The following ABCC12 variants were observed in gnomAD, a reference collection of about 807,000 sequenced individuals.
ABCC12 encodes ATP binding cassette subfamily C member 12.
In ABCC12, 142 loss-of-function variants were observed where a neutral mutation model predicts 151.1. The observed-to-expected ratio is 0.94, with a 90% CI of 0.82 to 1.08. ABCC12 has a LOEUF of 1.08. Among genes scored for constraint, ABCC12 ranks in the 50% least tolerant of loss-of-function variants. ABCC12 has a pLI of 0.00. For missense variants in ABCC12, 1,638 were observed against 1,691.1 expected (o/e 0.97, Z 0.55); for synonymous variants, 645 against 646.4 (o/e 1.00, Z 0.03).
Position 48,119,399 on chromosome 16 carries a change from C to A in ABCC12, c.1713-2066G>T, listed in dbSNP as rs190254911. ...CCCCATGTGCCCTGCATGCTGCAGG[C>A]ATTTGGCACATATTTGCCCTCTGAA... On this transcript the variant is annotated intron_variant, in intron 13 of 30. Coordinates refer to ENST00000311303, the MANE Select transcript of ABCC12 (RefSeq NM_001393797.1). 7.9e-4 allele frequency among the ~76,000 whole-genome samples: 120 copies of A among 152,362 alleles called. 1 individual carries two copies. The highest frequency in any genetic ancestry group is 1.4e-3 in the Non-Finnish European group (93 of 68,034).
chr16:48,142,325 A>T (rs1473633755), intron 4 of ABCC12, among the ~76,000 whole-genome samples: 2 of 152,182 alleles, frequency 1.3e-5, no homozygotes, highest in Non-Finnish European at 2.9e-5. Flanking sequence ...ATAGCCACGG[A>T]CATGTTATTG....
chr16:48,124,739 T>C (rs1439828270), intron 11 of ABCC12, among the ~76,000 whole-genome samples: 4 of 152,208 alleles, frequency 2.6e-5, no homozygotes, highest in Non-Finnish European at 5.9e-5. Context: ...ACTGAGAAGT[T>C]ACACTATTCT....
Position 48,088,594 on chromosome 16 carries a change from C to A in ABCC12, c.3426G>T (p.Leu1142Phe), listed in dbSNP as rs1423088297. 6.2e-7 allele frequency: 1 copy of A among 1,614,200 alleles called. No individual in the cohort carries two copies. The highest frequency in any genetic ancestry group is 1.1e-5 in the South Asian group (1 of 91,066). Residue 1142 changes from leucine (L) to phenylalanine (F), a missense_variant, in exon 26 of 31, where the codon TTG (leucine) becomes TTT (phenylalanine). Coordinates refer to ENST00000311303, the MANE Select transcript of ABCC12 (RefSeq NM_001393797.1). ...CGACTGTCTGCCCACTTTGTATGTT[C>A]AAGTTCAGGCTGTCGAGAACAAGGG... ...NTPLVLDSLN[L>F]NIQSGQTVGI... is the part of the protein sequence containing the mutation.
chr16:48,114,872 C>A (rs2150623795), intron 15 of ABCC12, among the ~76,000 whole-genome samples: 1 of 152,326 alleles, frequency 6.6e-6, no homozygotes, highest in South Asian at 2.1e-4. Flanking sequence ...TGCTCCTTAG[C>A]CTGAGACAGT....
intron 14 of ABCC12, among the ~76,000 whole-genome samples, chr16:48,115,884 C>A (rs1310308399): frequency 1.3e-5 from 2 of 152,208 alleles, no homozygotes; most frequent in African/African-American, 4.8e-5. Context: ...TGAGGGGTGC[C>A]CATCTCACAA....
At chr16:48,146,033 G>A (rs143946871) in intron 3 of ABCC12, among the ~76,000 whole-genome samples, 4 of 152,330 alleles carry the variant, frequency 2.6e-5, no homozygotes, top group African/African-American at 7.2e-5. Context: ...GAGTTTGTGA[G>A]GAGTGAATGA....
intron 2 of ABCC12, among the ~76,000 whole-genome samples, chr16:48,148,897 A>G (rs980297738): frequency 1.3e-5 from 2 of 151,820 alleles, no homozygotes; most frequent in Non-Finnish European, 2.9e-5. Flanking sequence ...TTCCCCAAAC[A>G]AACTGTGGGC....
chr16:48,155,451 T>C (rs562682149), intron 1 of ABCC12, among the ~76,000 whole-genome samples: 1 of 152,046 alleles, frequency 6.6e-6, no homozygotes, highest in South Asian at 2.1e-4. Context: ...GTCTTTTTTT[T>C]TGGGGGGGAG....
intron 25 of ABCC12, among the ~76,000 whole-genome samples, chr16:48,090,184 A>G (rs1055910788): frequency 6.6e-6 from 1 of 152,144 alleles, no homozygotes; most frequent in Non-Finnish European, 1.5e-5. Context: ...AGTTAGACTG[A>G]GCTTCTATTT....
intron 11 of ABCC12, among the ~76,000 whole-genome samples, chr16:48,126,754 G>C (rs74018248): frequency 0.018 from 2,698 of 152,280 alleles, 73 homozygotes; most frequent in African/African-American, 0.062. Flanking sequence ...TCAGGCTCCA[G>C]AGGCATTGCA....
chr16:48,146,588 C>A, intron 2 of ABCC12, 114 bp from the exon 3 acceptor site: 1 of 607,002 alleles, frequency 1.6e-6, no homozygotes. Context: ...GAACTGTTTT[C>A]ACCAATGAGC....
Position 48,129,269 on chromosome 16 carries a change from G to A in ABCC12, c.1237-532C>T, listed in dbSNP as rs181290092. 3.9e-5 allele frequency among the ~76,000 whole-genome samples: 6 copies of A among 152,314 alleles called. No homozygotes were observed. In the East Asian group the frequency reaches 7.7e-4, roughly 20 times the overall value. ...AGGGAGATGAGAACATGCACGGATC[G>A]TTTCTGCAAAATGTGATGAGGACAA... On this transcript the variant is annotated intron_variant, in intron 10 of 30. Coordinates refer to ENST00000311303, the MANE Select transcript of ABCC12 (RefSeq NM_001393797.1).
chr16:48,087,352 T>C (rs769986325), intron 27 of ABCC12: 2 of 156,544 alleles, frequency 1.3e-5, no homozygotes, highest in Non-Finnish European at 2.8e-5. Context: ...TCTGGTGCTG[T>C]ATGGGAGAAA....
chr16:48,096,655 G>A (rs1052220289), intron 24 of ABCC12, 91 bp downstream of exon 24: 22 of 1,315,670 alleles, frequency 1.7e-5, no homozygotes, highest in Admixed American at 1.1e-4. Flanking sequence ...ATTCGAGTTG[G>A]GGTTTTTGTT....
At chr16:48,117,197 C>G (rs889075432) in intron 14 of ABCC12, 64 bp downstream of exon 14, 2 of 1,502,190 alleles carry the variant, frequency 1.3e-6, no homozygotes, top group African/African-American at 2.8e-5. Context: ...GGCCTCAGCC[C>G]TTTGGACCTG....
intron 10 of ABCC12, among the ~76,000 whole-genome samples, chr16:48,129,727 C>T (rs571478549): frequency 2.6e-5 from 4 of 152,098 alleles, no homozygotes; most frequent in East Asian, 1.9e-4. Context: ...TAAATCACTG[C>T]GCTAATCAGA....
At chr16:48,099,083 A>G (rs1963211957) in intron 23 of ABCC12, among the ~76,000 whole-genome samples, 1 of 152,168 alleles carries the variant, frequency 6.6e-6, no homozygotes. Context: ...GGGTGGTAAA[A>G]TGGAGGGGGC....
intron 2 of ABCC12, among the ~76,000 whole-genome samples, chr16:48,150,104 C>T (rs564055468): frequency 6.6e-6 from 1 of 152,242 alleles, no homozygotes; most frequent in African/African-American, 2.4e-5. Context: ...TGGAGAAAGC[C>T]TGCCTGTTCA....
intron 12 of ABCC12, 92 bp downstream of exon 12, chr16:48,124,121 A>C (rs1034196268): frequency 6.3e-5 from 85 of 1,344,582 alleles, no homozygotes; most frequent in Admixed American, 2.0e-4. Flanking sequence ...AGTGCAGCCG[A>C]GGCCATCTGC....
Sources: allele counts gnomAD v4.1 joint callset (sites outside exome capture counted in the v4.1 genomes callset), GRCh38; gene constraint gnomAD v4.1.1; transcripts MANE v1.5; gene names NCBI Gene and HGNC (gene_info 2026-07-23, HGNC 2026-07-21).